The following ADRA1A variants were observed in gnomAD, a reference collection of about 807,000 sequenced individuals.
The protein encoded by ADRA1A is alpha-1A adrenergic receptor.
In ADRA1A, 31 loss-of-function variants were observed where a neutral mutation model predicts 29.6. The observed-to-expected ratio is 1.05, with a 90% CI of 0.79 to 1.41. The LOEUF (loss-of-function observed/expected upper bound fraction) is 1.41, where lower values mean the gene tolerates loss of function less well. Ranked by LOEUF, ADRA1A falls within the 40% of genes most tolerant of loss-of-function variation. The pLI is 0.00. For missense variants in ADRA1A, 619 were observed against 601.1 expected (o/e 1.03, Z -0.31); for synonymous variants, 311 against 254.3 (o/e 1.22, Z -2.12).
At chr8:26,781,852 T>C (rs2130359343) in intron 2 of ADRA1A, among the ~76,000 whole-genome samples, 1 of 152,328 alleles carries the variant, frequency 6.6e-6, no homozygotes, top group Admixed American at 6.5e-5. Context: ...CTGTGTCCCT[T>C]CATATTCAGC....
intron 2 of ADRA1A, among the ~76,000 whole-genome samples, chr8:26,809,418 A>G (rs1367346849): frequency 3.3e-5 from 5 of 152,128 alleles, no homozygotes; most frequent in Admixed American, 6.5e-5. Context: ...AGGAAATGGA[A>G]CCAGAACCCT....
At chr8:26,843,200 G>C (rs1811957023) in intron 2 of ADRA1A, among the ~76,000 whole-genome samples, 1 of 152,054 alleles carries the variant, frequency 6.6e-6, no homozygotes, top group Non-Finnish European at 1.5e-5. Context: ...TCTTCTTCCT[G>C]ACCTCCAGAA....
intron 2 of ADRA1A, among the ~76,000 whole-genome samples, chr8:26,849,558 G>A (rs1198082643): frequency 1.3e-5 from 2 of 152,132 alleles, no homozygotes; most frequent in African/African-American, 4.8e-5. Flanking sequence ...TGGCAGATTC[G>A]AATCACAACA....
chr8:26,759,697 A>G (rs894903341), intron 2 of ADRA1A, among the ~76,000 whole-genome samples: 1 of 152,300 alleles, frequency 6.6e-6, no homozygotes, highest in African/African-American at 2.4e-5. Context: ...ATCCCTTGAG[A>G]CTTCAGTTAG....
chr8:26,854,423 CGGGGGGGGGGAGCA>C (rs1812857501), intron 2 of ADRA1A: 1 of 26,780 alleles, frequency 3.7e-5, no homozygotes, highest in East Asian at 1.1e-3. Flanking sequence ...TAAAGCGGGG[CGGGGGGGGGGAGCA>C]GGCAGAGGTG....
Position 26,848,563 on chromosome 8 carries a change from A to G in ADRA1A, c.883+15524T>C, listed in dbSNP as rs1471485101. Among the ~76,000 whole-genome samples the G allele has an allele frequency of 6.6e-6, 1 of 152,162 alleles. No homozygotes were observed. The highest frequency in any genetic ancestry group is 1.5e-5 in the Non-Finnish European group (1 of 68,022). On this transcript the variant is annotated intron_variant, in intron 2 of 2. Transcript: ENST00000380573. This position sits in a 1 kb window ranked among gnomAD's most constrained non-coding sequence, Gnocchi z 4.3. ...GCTAGAACCCTGATCTCAGACTTCC[A>G]GCCTCCAGAGCTCTGAGAAATCAAT...
intron 2 of ADRA1A, among the ~76,000 whole-genome samples, chr8:26,838,392 C>T (rs941068732): frequency 1.3e-5 from 2 of 152,156 alleles, no homozygotes; most frequent in African/African-American, 4.8e-5. Context: ...CCCTTCACCC[C>T]GCTGCTCATC....
At position 26,821,471 on chromosome 8, in the gene ADRA1A, C is replaced by T. The variant is rs987907442; in HGVS notation, c.883+42616G>A. ...TGAACTGAGAACTCACTTTTCACCA[C>T]GGAGATGGTGTTAAGCCATTCATGA... On this transcript the variant is annotated intron_variant, in intron 2 of 2. Coordinates refer to ENST00000380573, the MANE Select transcript of ADRA1A (RefSeq NM_000680.4). This position sits in a 1 kb window ranked among gnomAD's most constrained non-coding sequence, Gnocchi z 5.6. 2.0e-5 allele frequency among the ~76,000 whole-genome samples: 3 copies of T among 152,034 alleles called. No individual in the cohort carries two copies. The highest frequency in any genetic ancestry group is 4.8e-5 in the African/African-American group (2 of 41,388).
Position 26,866,555 on chromosome 8 carries a change from G to C in ADRA1A, c.-687+381C>G, listed in dbSNP as rs918708785. Reference sequence around the variant, plus strand: ...TCCACAACTGCGAACCTACCGCAGGGACTCGGCAGGACAGCGCGGCGTGAG... The same window carrying C: ...TCCACAACTGCGAACCTACCGCAGGCACTCGGCAGGACAGCGCGGCGTGAG... On this transcript the variant is annotated intron_variant, in intron 1 of 2. Transcript: ENST00000380573. The surrounding 1 kb of genome is among the most constrained non-coding windows in gnomAD (Gnocchi z 5.7). Among the ~76,000 whole-genome samples the C allele has an allele frequency of 6.6e-6, 1 of 152,184 alleles. No homozygotes were observed. Among genetic ancestry groups the C allele is most frequent in the African/African-American group, 2.4e-5 (1 of 41,456 alleles).
At position 26,805,968 on chromosome 8, in the gene ADRA1A, C is replaced by T. The variant is rs79509030; in HGVS notation, c.884-35302G>A. Among the ~76,000 whole-genome samples the T allele has an allele frequency of 6.6e-4, 101 of 152,286 alleles. No homozygotes were observed. In the Middle Eastern group the frequency reaches 0.017, roughly 26 times the overall value. On this transcript the variant is annotated intron_variant, in intron 2 of 2. Coordinates refer to ENST00000380573, the MANE Select transcript of ADRA1A (RefSeq NM_000680.4). This position sits in a 1 kb window ranked among gnomAD's most constrained non-coding sequence, Gnocchi z 4.8. ...TTGCAGGTGCAGGCCCCCTCCACAC[C>T]CACTCTGGAAAGCTGAGGGTTGTGG...
intron 2 of ADRA1A, among the ~76,000 whole-genome samples, chr8:26,794,358 G>GC (rs1405276521): frequency 6.6e-6 from 1 of 152,040 alleles, no homozygotes; most frequent in Non-Finnish European, 1.5e-5. Flanking sequence ...GCTATCTCTG[G>GC]TAATAGATAG....
chr8:26,865,405 C>T lies in ADRA1A; in HGVS notation c.-436G>A. Reference sequence around the variant, plus strand: ...AGCATTCTGCACATGATTCGGAATTCAAAACTCCAGCGCCAGTCTCTCCCT... The same window carrying T: ...AGCATTCTGCACATGATTCGGAATTTAAAACTCCAGCGCCAGTCTCTCCCT... On this transcript the variant is annotated 5_prime_UTR_variant, in exon 2 of 3. Transcript: ENST00000380573. The surrounding 1 kb of genome is among the most constrained non-coding windows in gnomAD (Gnocchi z 7.6). The T allele has an allele frequency of 3.0e-6, 3 of 1,005,988 alleles. No homozygotes were observed. Among genetic ancestry groups the T allele is most frequent in the Non-Finnish European group, 3.6e-6 (3 of 842,404 alleles). The allele number at this position is 1,005,988 out of a possible 1,614,324, so 62.3% of individuals were successfully genotyped here.
downstream of ADRA1A, among the ~76,000 whole-genome samples, chr8:26,755,456 C>A (rs1805118955): frequency 6.6e-6 from 1 of 152,124 alleles, no homozygotes; most frequent in Non-Finnish European, 1.5e-5. Flanking sequence ...GTTTGTAGAG[C>A]CAAGTGGCCA....
chr8:26,794,929 A>G (rs1808090750), intron 2 of ADRA1A, among the ~76,000 whole-genome samples: 1 of 152,164 alleles, frequency 6.6e-6, no homozygotes. Flanking sequence ...AAATAATGGA[A>G]AAGGCAACTT....
At chr8:26,817,095 G>A (rs1275392627) in intron 2 of ADRA1A, among the ~76,000 whole-genome samples, 1 of 152,112 alleles carries the variant, frequency 6.6e-6, no homozygotes, top group Non-Finnish European at 1.5e-5. Context: ...AGAATGAAAG[G>A]CAAGCCATAT....
At chr8:26,844,708 C>G (rs1040759053) in intron 2 of ADRA1A, among the ~76,000 whole-genome samples, 13 of 152,100 alleles carry the variant, frequency 8.5e-5, no homozygotes, top group Non-Finnish European at 8.8e-5. Context: ...AAGCTTACCT[C>G]CTATCATGTA....
intron 2 of ADRA1A, among the ~76,000 whole-genome samples, chr8:26,818,370 T>C (rs1423405657): frequency 6.6e-6 from 1 of 152,192 alleles, no homozygotes; most frequent in Non-Finnish European, 1.5e-5. Context: ...AATTCCATGG[T>C]ATGTCACTAT....
intron 2 of ADRA1A, among the ~76,000 whole-genome samples, chr8:26,776,758 A>C (rs1806577184): frequency 6.6e-6 from 1 of 152,242 alleles, no homozygotes; most frequent in African/African-American, 2.4e-5. Flanking sequence ...TGTGCTGTTC[A>C]GAAGGGTTTG....
In ADRA1A at chr8:26,864,375, T is replaced by C. The variant is rs1275734523; in HGVS notation, c.595A>G (p.Ile199Val). The stretch of plus-strand genomic sequence containing the variant: ...ACGCGGCAGTACATGACCAGGATGA[T>C]GGCCAGAGGCAGGTAGAAGGAGCCC... ...ALGSFYLPLA[I>V]ILVMYCRVYV... is the part of the protein sequence containing the mutation. The change falls in exon 2 of 3, where the codon ATC becomes GTC. Residue 199 changes from isoleucine (I) to valine (V), a missense_variant. Coordinates refer to ENST00000380573, the MANE Select transcript of ADRA1A (RefSeq NM_000680.4). The surrounding 1 kb of genome is among the most constrained non-coding windows in gnomAD (Gnocchi z 8.1). 1.9e-6 allele frequency: 3 copies of C among 1,613,994 alleles called. No homozygotes were observed. The highest frequency in any genetic ancestry group is 2.5e-6 in the Non-Finnish European group (3 of 1,180,032).
Sources: allele counts gnomAD v4.1 joint callset (sites outside exome capture counted in the v4.1 genomes callset), GRCh38; gene constraint gnomAD v4.1.1; non-coding constraint Gnocchi (gnomAD v3.1); transcripts MANE v1.5; gene names NCBI Gene and HGNC (gene_info 2026-07-23, HGNC 2026-07-21).